The following PLEKHG2 variants were observed in gnomAD, a reference collection of about 807,000 sequenced individuals.
PLEKHG2 encodes the protein pleckstrin homology and RhoGEF domain containing G2, also known as pleckstrin homology domain-containing family G member 2.
Under a neutral mutation model 104.4 loss-of-function variants are expected in PLEKHG2, and 71 were observed. That is an observed-to-expected ratio of 0.68 (90% CI 0.56 to 0.83). PLEKHG2 has a LOEUF of 0.83. Among genes scored for constraint, PLEKHG2 ranks in the 40% least tolerant of loss-of-function variants. PLEKHG2 has a pLI of 0.00. For missense variants in PLEKHG2, 1,730 were observed against 1,809.4 expected (o/e 0.96, Z 0.80); for synonymous variants, 728 against 737.0 (o/e 0.99, Z 0.20).
At chr19:39,421,181 T>C (rs375584118) in intron 15 of PLEKHG2, 68 bp downstream of exon 15, 765 of 1,611,826 alleles carry the variant, frequency 4.7e-4, no homozygotes, top group Non-Finnish European at 6.2e-4. Flanking sequence ...CTGGGGCGGG[T>C]TGGGGAGGGG....
Position 39,416,572 on chromosome 19 carries a change from A to T in PLEKHG2, c.568A>T (p.Thr190Ser). The change falls in exon 6 of 19, where the codon ACA becomes TCA. Residue 190 changes from threonine to serine, a missense_variant. Transcript: ENST00000425673. The surrounding 1 kb of genome is among the most constrained non-coding windows in gnomAD (Gnocchi z 4.5). ...VQRSEDFDIYTLYCMNYPSSL... is the reference protein window; with the variant it reads ...VQRSEDFDIYSLYCMNYPSSL... ...GCAGAGCGAGGATTTTGACATCTAC[A>T]CATTGTACTGCATGAACTACCCGAG... 1 of 1,613,870 alleles carries T rather than the reference A, an allele frequency of 6.2e-7. No homozygotes were observed. The highest frequency in any genetic ancestry group is 8.5e-7 in the Non-Finnish European group (1 of 1,179,970).
In PLEKHG2 at chr19:39,415,346, T is replaced by A; in HGVS notation, c.386T>A (p.Leu129Gln). The A allele has an allele frequency of 6.2e-7, 1 of 1,614,012 alleles. No homozygotes were observed. Among genetic ancestry groups the A allele is most frequent in the Non-Finnish European group, 8.5e-7 (1 of 1,179,946 alleles). The change falls in exon 4 of 19, where the codon CTG becomes CAG. Residue 129 changes from leucine (L) to glutamine (Q), a missense_variant. Coordinates refer to ENST00000425673, the MANE Select transcript of PLEKHG2 (RefSeq NM_022835.3). The surrounding 1 kb of genome is among the most constrained non-coding windows in gnomAD (Gnocchi z 4.6). ...RDLRSIVEDYLGPLLDGGVLG... is the reference protein window; with the variant it reads ...RDLRSIVEDYQGPLLDGGVLG... ...CCCCAGTCATCCCAACAGGACTACC[T>A]GGGCCCTCTGCTGGACGGCGGGGTC... is the stretch of plus-strand genomic sequence containing the variant.
chr19:39,422,077 T>G (rs764825229), intron 16 of PLEKHG2, 38 bp from the exon 17 acceptor site: 3 of 1,572,320 alleles, frequency 1.9e-6, no homozygotes, highest in African/African-American at 2.7e-5. Flanking sequence ...GAGGGAGGAG[T>G]CTTGGCTCTT....
Position 39,413,910 on chromosome 19 carries a change from C to T in PLEKHG2, c.-22-155C>T. 3.7e-6 allele frequency: 2 copies of T among 544,706 alleles called. No homozygotes were observed. Among genetic ancestry groups the T allele is most frequent in the Non-Finnish European group, 6.6e-6 (2 of 301,224 alleles). 33.7% of individuals were successfully genotyped at this position (544,706 alleles called of 1,614,324 possible). ...TCGCCAGGTTCTCTCTCCTTGTCCC[C>T]TTCTTTCTGTCACTTTGTGCCTCCC... is the stretch of plus-strand genomic sequence containing the variant. On this transcript the variant is annotated intron_variant, in intron 1 of 18. Coordinates refer to ENST00000425673, the MANE Select transcript of PLEKHG2 (RefSeq NM_022835.3). The surrounding 1 kb of genome is among the most constrained non-coding windows in gnomAD (Gnocchi z 4.5).
rs1279949543 is a variant in PLEKHG2, at chr19:39,413,417, GGGGGGAGGCGAGGGGCCCAGGCGGACT to G, written c.-23+14_-23+40del. 3 of 152,152 alleles carry G rather than the reference GGGGGGAGGCGAGGGGCCCAGGCGGACT, an allele frequency of 2.0e-5. No individual in the cohort carries two copies. Among genetic ancestry groups the G allele is most frequent in the Non-Finnish European group, 2.9e-5 (2 of 68,064 alleles). The allele number at this position is 152,152 out of a possible 1,614,324, so 9.4% of individuals were successfully genotyped here. A position where few individuals can be genotyped will look rare whatever the true frequency, so the allele number is the denominator to read the frequency against. On this transcript the variant is annotated splice_donor_region_variant and intron_variant, in intron 1 of 18. Coordinates refer to ENST00000425673, the MANE Select transcript of PLEKHG2 (RefSeq NM_022835.3). This position sits in a 1 kb window ranked among gnomAD's most constrained non-coding sequence, Gnocchi z 4.5. ...GGGCTGGAGGCTCCCCGGGAGGTGAGGGGGGAGGCGAGGGGCCCAGGCGGACTGGGGGAGGGGGCGGCGCCACTGCTG... is the reference window on the plus strand; with the variant it reads ...GGGCTGGAGGCTCCCCGGGAGGTGAGGGGGGAGGGGGCGGCGCCACTGCTG...
chr19:39,417,608 G>A lies in PLEKHG2; in HGVS notation c.798G>A (p.Val266=). 1 of 1,614,146 alleles carries A rather than the reference G, an allele frequency of 6.2e-7. No individual in the cohort carries two copies. Among genetic ancestry groups the A allele is most frequent in the Middle Eastern group, 1.6e-4 (1 of 6,062 alleles). The change falls in exon 8 of 19, where the codon GTG becomes GTA. Residue 266 remains valine (V), a synonymous_variant. Transcript: ENST00000425673. ...EGPGTGGREM[V]EEAIVSMTAV... is the part of the protein sequence containing the mutation. ...CAGGCACTGGGGGTCGCGAGATGGT[G>A]GAGGAAGCTATTGTGTCCATGACAG...
chr19:39,424,219 AT>A lies in PLEKHG2; in HGVS notation c.3089del (p.Phe1030SerfsTer16), dbSNP rs1386990917. The A allele has an allele frequency of 6.2e-7, 1 of 1,614,084 alleles. No individual in the cohort carries two copies. The highest frequency in any genetic ancestry group is 1.7e-5 in the Admixed American group (1 of 60,012). ...GCTTTGCCCAAGGAGATTTGTTCTG[AT>A]TTCACAGTTTCAGTCACCACCCCTG... is the stretch of plus-strand genomic sequence containing the variant. ...TPALPKEICSDFTVSVTTPVP... is the reference protein window; with the variant it reads ...TPALPKEICSXFTVSVTTPVP... On this transcript the variant is annotated frameshift_variant, in exon 19 of 19. Transcript: ENST00000425673. LOFTEE classifies it low-confidence loss of function (END_TRUNC).
At position 39,421,264 on chromosome 19, in the gene PLEKHG2, C is replaced by T; in HGVS notation, c.1487-19C>T. On this transcript the variant is annotated intron_variant, in intron 15 of 18. Transcript: ENST00000425673. ...ACATCTCACTAATGCTTCTCTCTCT[C>T]TCATCTCTCCATCCTTAGCTAAGCC... 2 of 1,613,834 alleles carry T rather than the reference C, an allele frequency of 1.2e-6. No individual in the cohort carries two copies. Among genetic ancestry groups the T allele is most frequent in the Non-Finnish European group, 1.7e-6 (2 of 1,179,746 alleles).
chr19:39,417,501 T>G, intron 7 of PLEKHG2, 54 bp from the exon 8 acceptor site: 1 of 1,592,370 alleles, frequency 6.3e-7, no homozygotes, highest in Non-Finnish European at 8.6e-7. Flanking sequence ...CTCATTCTCT[T>G]TCTCCTTCTC....
chr19:39,413,445 G>A lies in PLEKHG2; in HGVS notation c.-23+33G>A, dbSNP rs889378451. Reference sequence around the variant, plus strand: ...GGGAGGCGAGGGGCCCAGGCGGACTGGGGGAGGGGGCGGCGCCACTGCTGA... The same window carrying A: ...GGGAGGCGAGGGGCCCAGGCGGACTAGGGGAGGGGGCGGCGCCACTGCTGA... On this transcript the variant is annotated intron_variant, in intron 1 of 18. Coordinates refer to ENST00000425673, the MANE Select transcript of PLEKHG2 (RefSeq NM_022835.3). The surrounding 1 kb of genome is among the most constrained non-coding windows in gnomAD (Gnocchi z 4.5). 4 of 152,178 alleles carry A rather than the reference G, an allele frequency of 2.6e-5. No individual in the cohort carries two copies. Among genetic ancestry groups the A allele is most frequent in the African/African-American group, 9.7e-5 (4 of 41,408 alleles). 9.4% of individuals were successfully genotyped at this position (152,178 alleles called of 1,614,324 possible).
At chr19:39,419,879 CAAAAAAAAAAAAG>C (rs2078670654) in intron 11 of PLEKHG2, among the ~76,000 whole-genome samples, 2 of 100,230 alleles carry the variant, frequency 2.0e-5, no homozygotes, top group South Asian at 6.8e-4. Context: ...GCCTCTGTCT[CAAAAAAAAAAAAG>C]AAAAAGAAAA....
In PLEKHG2 at chr19:39,417,923, G is replaced by A. The variant is rs2078634076; in HGVS notation, c.901G>A (p.Gly301Ser). Residue 301 changes from glycine to serine, a missense_variant, in exon 9 of 19, where the codon GGT becomes AGT. Coordinates refer to ENST00000425673, the MANE Select transcript of PLEKHG2 (RefSeq NM_022835.3). ...CCGGCAGGAAGTGCAGCGGCGGCTG[G>A]GTGGCTGGACCGGACCAGAGCTCAG... ...ARLQEVQRRL[G>S]GWTGPELSAF... 3.9e-6 allele frequency: 6 copies of A among 1,542,428 alleles called. No individual in the cohort carries two copies. Among genetic ancestry groups the A allele is most frequent in the Non-Finnish European group, 5.2e-6 (6 of 1,145,584 alleles).
Position 39,425,614 on chromosome 19 carries a change from G to GA in PLEKHG2, c.*322dup, listed in dbSNP as rs1171488682. 1 of 413,436 alleles carries GA rather than the reference G, an allele frequency of 2.4e-6. No homozygotes were observed. Among genetic ancestry groups the GA allele is most frequent in the African/African-American group, 2.1e-5 (1 of 48,742 alleles). The allele number at this position is 413,436 out of a possible 1,614,324, so 25.6% of individuals were successfully genotyped here. ...AAATCAGCGGTTCTGAAAGCTTGGG[G>GA]AATCTCAGACTCCTTTGAGAATTAT... On this transcript the variant is annotated 3_prime_UTR_variant, in exon 19 of 19. Coordinates refer to ENST00000425673, the MANE Select transcript of PLEKHG2 (RefSeq NM_022835.3).
rs750135156 is a variant in PLEKHG2, at chr19:39,423,260, G to A, written c.2206G>A (p.Glu736Lys). The change falls in exon 18 of 19, where the codon GAA becomes AAA. Residue 736 changes from glutamate (E) to lysine (K), a missense_variant. Glu to Lys is a moderately conservative substitution (Grantham distance 56). Coordinates refer to ENST00000425673, the MANE Select transcript of PLEKHG2 (RefSeq NM_022835.3). ...SGGKAGPEED[E>K]EGVSFTDFQP... ...AGGCAAGGCAGGGCCAGAGGAGGAT[G>A]AAGAAGGGGTATCATTCACAGACTT... 5 of 1,613,954 alleles carry A rather than the reference G, an allele frequency of 3.1e-6. No individual in the cohort carries two copies. In the East Asian group the frequency reaches 8.9e-5, roughly 29 times the overall value.
In PLEKHG2 at chr19:39,428,236, G is replaced by A. The variant is rs901318832; in HGVS notation, c.*2942G>A. ...AATAAAATGAAATACATAAATAAAT[G>A]TGCCTATCCTGTGCCGGGTGCTGTT... is the stretch of plus-strand genomic sequence containing the variant. On this transcript the variant is annotated 3_prime_UTR_variant, in exon 19 of 19. Coordinates refer to ENST00000425673, the MANE Select transcript of PLEKHG2 (RefSeq NM_022835.3). 1.3e-5 allele frequency: 2 copies of A among 152,128 alleles called. No homozygotes were observed. The highest frequency in any genetic ancestry group is 2.4e-5 in the African/African-American group (1 of 41,420). 9.4% of individuals were successfully genotyped at this position (152,128 alleles called of 1,614,324 possible). A position where few individuals can be genotyped will look rare whatever the true frequency, so the allele number is the denominator to read the frequency against.
intron 12 of PLEKHG2, 36 bp downstream of exon 12, chr19:39,420,695 T>G (rs376251495): frequency 6.8e-6 from 11 of 1,614,078 alleles, no homozygotes; most frequent in East Asian, 6.7e-5. Flanking sequence ...GGTGTGGAAG[T>G]AGACGAATTA....
rs1475805868 is a variant in PLEKHG2, at chr19:39,413,238, CTG to C, written c.-196_-195del. 2.6e-5 allele frequency: 4 copies of C among 152,270 alleles called. No homozygotes were observed. Among genetic ancestry groups the C allele is most frequent in the Non-Finnish European group, 5.9e-5 (4 of 68,092 alleles). The allele number at this position is 152,270 out of a possible 1,614,324, so 9.4% of individuals were successfully genotyped here. A position where few individuals can be genotyped will look rare whatever the true frequency, so the allele number is the denominator to read the frequency against. ...CTCCTAGCATCCCCTACGTAGAACA[CTG>C]AGAAATTCCGACTGCGGGACCCCAG... On this transcript the variant is annotated 5_prime_UTR_variant, in exon 1 of 19. Coordinates refer to ENST00000425673, the MANE Select transcript of PLEKHG2 (RefSeq NM_022835.3). The surrounding 1 kb of genome is among the most constrained non-coding windows in gnomAD (Gnocchi z 4.5).
intron 2 of PLEKHG2, among the ~76,000 whole-genome samples, chr19:39,414,715 C>T (rs1323977237): frequency 2.6e-5 from 4 of 152,142 alleles, no homozygotes; most frequent in Non-Finnish European, 5.9e-5. Flanking sequence ...GAAGGGGTTA[C>T]ACTCACGGGA....
chr19:39,418,033 C>A lies in PLEKHG2; in HGVS notation c.1011C>A (p.Leu337=). Residue 337 remains leucine, a synonymous_variant, in exon 9 of 19, where the codon CTC becomes CTA. Transcript: ENST00000425673. ...GGCTACGAGGGGGTGAGCGGCTGCT[C>A]TTCCTGTTCTCTCGGATGCTGCTGG... The part of the protein sequence containing the change: ...GPRLRGGERL[L]FLFSRMLLVA... The A allele has an allele frequency of 6.4e-7, 1 of 1,556,708 alleles. No individual in the cohort carries two copies. Among genetic ancestry groups the A allele is most frequent in the Non-Finnish European group, 8.7e-7 (1 of 1,151,498 alleles).
Sources: gnomAD v4.1 joint callset for allele counts (sites outside exome capture counted in the v4.1 genomes callset) on GRCh38, gnomAD v4.1.1 for gene constraint, Gnocchi (gnomAD v3.1) non-coding constraint, MANE v1.5 for transcripts, NCBI Gene and HGNC (gene_info 2026-07-23, HGNC 2026-07-21) for gene names.